Variants in CFAP58 observed in about 807,000 individuals in gnomAD.
CFAP58 encodes the protein cilia and flagella associated protein 58.
A neutral mutation model predicts 119.5 loss-of-function variants in CFAP58; 88 were observed. The ratio of observed to expected loss-of-function variants is 0.74; its 90% CI spans 0.62 to 0.88. The LOEUF is 0.88. Ranked by LOEUF, CFAP58 falls within the 40% of genes least tolerant of loss-of-function variation. The pLI is 0.00. For synonymous variants in CFAP58, 365 were observed against 366.3 expected, an observed-to-expected ratio of 1.00 and a Z score of 0.04; for missense variants, 990 against 1,021.2, an observed-to-expected ratio of 0.97 and a Z score of 0.42.
intron 15 of CFAP58, among the ~76,000 whole-genome samples, chr10:104,418,978 T>C (rs1040053517): frequency 6.6e-6 from 1 of 152,090 alleles, no homozygotes; most frequent in Admixed American, 6.5e-5. Flanking sequence ...AAGAATGAGA[T>C]GCGAGGGGGA....
Position 104,392,240 on chromosome 10 carries a change from T to C in CFAP58, c.1373T>C (p.Met458Thr). The C allele has an allele frequency of 6.2e-7, 1 of 1,610,932 alleles. No homozygotes were observed. The highest frequency in any genetic ancestry group is 8.5e-7 in the Non-Finnish European group (1 of 1,178,954). ...TATGTCTTTCTCCTCCAGGTCCTTA[T>C]GAACATGGAAGACATAAAAGTTCGT... The part of the protein sequence containing the change: ...QASDLTQKVL[M>T]NMEDIKVRET... The change falls in exon 10 of 18, where the codon ATG becomes ACG. Residue 458 changes from methionine to threonine, a missense_variant. Transcript: ENST00000369704.
chr10:104,391,289 T>C (rs947904156), intron 9 of CFAP58, among the ~76,000 whole-genome samples: 18 of 152,172 alleles, frequency 1.2e-4, no homozygotes, highest in Non-Finnish European at 5.9e-5. Context: ...TCTTCATACA[T>C]GGACCTGTTT....
Position 104,454,556 on chromosome 10 carries a change from T to C in CFAP58, c.*26T>C. On this transcript the variant is annotated 3_prime_UTR_variant, in exon 18 of 18. Transcript: ENST00000369704. ...CCTGAAGCTGCTGGCTGTTTCCAGTTGAACAACTCATGAAATCTGCTCTGG... is the reference window on the plus strand; with the variant it reads ...CCTGAAGCTGCTGGCTGTTTCCAGTCGAACAACTCATGAAATCTGCTCTGG... The C allele has an allele frequency of 6.5e-7, 1 of 1,538,528 alleles. No individual in the cohort carries two copies. Among genetic ancestry groups the C allele is most frequent in the Non-Finnish European group, 9.0e-7 (1 of 1,111,428 alleles).
chr10:104,400,661 C>T lies in CFAP58; in HGVS notation c.1816-19C>T, dbSNP rs749620575. 6.2e-7 allele frequency: 1 copy of T among 1,602,560 alleles called. No individual in the cohort carries two copies. The highest frequency in any genetic ancestry group is 8.5e-7 in the Non-Finnish European group (1 of 1,170,526). On this transcript the variant is annotated intron_variant, in intron 12 of 17. Transcript: ENST00000369704. ...GGCTCCTCCTTCCCTGGTGACTATG[C>T]CCCTCCCTACCTTCCTAGGTCATCA...
intron 9 of CFAP58, among the ~76,000 whole-genome samples, chr10:104,391,327 G>T (rs1453638479): frequency 6.6e-6 from 1 of 151,976 alleles, no homozygotes; most frequent in Non-Finnish European, 1.5e-5. Context: ...TTTCCTCCAT[G>T]CTCTGTCACA....
At chr10:104,444,460 G>T (rs532532895) in intron 15 of CFAP58, among the ~76,000 whole-genome samples, 2 of 152,148 alleles carry the variant, frequency 1.3e-5, no homozygotes, top group Admixed American at 6.6e-5. Flanking sequence ...AGAATTGCAC[G>T]CTTTGTCTCT....
intron 16 of CFAP58, among the ~76,000 whole-genome samples, chr10:104,448,960 T>C (rs1355424722): frequency 6.6e-6 from 1 of 152,240 alleles, no homozygotes; most frequent in Non-Finnish European, 1.5e-5. Flanking sequence ...CAGGAGCCTT[T>C]TGTGAATTTA....
intron 15 of CFAP58, among the ~76,000 whole-genome samples, chr10:104,435,071 G>A (rs933988705): frequency 4.6e-5 from 7 of 152,218 alleles, no homozygotes; most frequent in Non-Finnish European, 4.4e-5. Flanking sequence ...GAACAACCAC[G>A]ATATCAGCAA....
intron 7 of CFAP58, among the ~76,000 whole-genome samples, chr10:104,374,881 T>C (rs1323506600): frequency 6.7e-6 from 1 of 150,202 alleles, no homozygotes; most frequent in Non-Finnish European, 1.5e-5. Context: ...GCAACTTAAA[T>C]GTTAAAATGA....
rs764049858 is a variant in CFAP58, at chr10:104,357,936, CAT to C, written c.10-400_10-399del. Among the ~76,000 whole-genome samples, 60 of 111,426 alleles carry C rather than the reference CAT, an allele frequency of 5.4e-4. 2 individuals are homozygous for C. The highest frequency in any genetic ancestry group is 9.7e-3 in the Middle Eastern group (2 of 206). The allele number at this position is 111,426 out of a possible 152,430, so 73.1% of individuals were successfully genotyped here. A position where few individuals can be genotyped will look rare whatever the true frequency, so the allele number is the denominator to read the frequency against. On this transcript the variant is annotated intron_variant, in intron 1 of 17. Transcript: ENST00000369704. ...ACACATATATGTACACATATACACACATATATGTACACATATATACACATATA... is the reference window on the plus strand; with the variant it reads ...ACACATATATGTACACATATACACACATATGTACACATATATACACATATA...
rs2014623637 is a variant in CFAP58 at position 104,358,427 on chromosome 10, A to G, written c.96A>G (p.Gly32=). 1 of 1,613,966 alleles carries G rather than the reference A, an allele frequency of 6.2e-7. No homozygotes were observed. Among genetic ancestry groups the G allele is most frequent in the Non-Finnish European group, 8.5e-7 (1 of 1,180,012 alleles). ...DFQGVLHELS[G]DKSLEKFRIE... ...AGGGAGTTCTCCATGAACTTTCTGGAGACAAAAGTTTGGAAAAATTTCGGA... is the reference window on the plus strand; with the variant it reads ...AGGGAGTTCTCCATGAACTTTCTGGGGACAAAAGTTTGGAAAAATTTCGGA... Residue 32 remains glycine, a synonymous_variant, in exon 2 of 18, where the codon GGA becomes GGG. Transcript: ENST00000369704.
intron 15 of CFAP58, among the ~76,000 whole-genome samples, chr10:104,414,825 G>A (rs11192046): frequency 0.033 from 5,037 of 152,076 alleles, 182 homozygotes; most frequent in East Asian, 0.15. Context: ...GCCTGCCACC[G>A]CGCCCGGCTA....
intron 15 of CFAP58, among the ~76,000 whole-genome samples, chr10:104,414,429 G>A (rs545048912): frequency 1.6e-4 from 25 of 152,250 alleles, no homozygotes; most frequent in African/African-American, 5.8e-4. Flanking sequence ...GTGATTCCTT[G>A]ATAGATGTGC....
chr10:104,374,024 G>T (rs1409220312), intron 7 of CFAP58, among the ~76,000 whole-genome samples: 1 of 152,128 alleles, frequency 6.6e-6, no homozygotes. Context: ...AATACCAAAT[G>T]TTGAAACCAT....
At chr10:104,444,465 G>T (rs1228680392) in intron 15 of CFAP58, among the ~76,000 whole-genome samples, 1 of 152,188 alleles carries the variant, frequency 6.6e-6, no homozygotes, top group Non-Finnish European at 1.5e-5. Context: ...TGCACGCTTT[G>T]TCTCTAAATG....
rs145708867 is a variant in CFAP58 at position 104,393,076 on chromosome 10, G to T, written c.1528-253G>T. Among the ~76,000 whole-genome samples, 8 of 152,300 alleles carry T rather than the reference G, an allele frequency of 5.3e-5. No homozygotes were observed. The East Asian group carries it at 7.7e-4, about 15-fold the overall frequency. ...CTTCCAATTCCTTTTGTAAAAGGAG[G>T]AATAAGGTGTGTGCGTGTGATGTTC... On this transcript the variant is annotated intron_variant, in intron 10 of 17. Coordinates refer to ENST00000369704, the MANE Select transcript of CFAP58 (RefSeq NM_001008723.2).
Position 104,447,818 on chromosome 10 carries a change from G to A in CFAP58, c.2376+1G>A. The stretch of plus-strand genomic sequence containing the variant: ...GCATGACAAGAAGCAGCAGCTGAAA[G>A]TAAGTGGTAGCCCCTGTTCCTTCCG... On this transcript the variant is annotated splice_donor_variant, in intron 16 of 17. Transcript: ENST00000369704. LOFTEE classifies it high-confidence loss of function. 1 of 1,610,562 alleles carries A rather than the reference G, an allele frequency of 6.2e-7. No homozygotes were observed. The highest frequency in any genetic ancestry group is 8.5e-7 in the Non-Finnish European group (1 of 1,177,958).
In CFAP58 at chr10:104,393,407, A is replaced by G; in HGVS notation, c.1606A>G (p.Lys536Glu). Residue 536 changes from lysine to glutamate, a missense_variant, in exon 11 of 18, where the codon AAA becomes GAA. By Grantham distance (56) the Lys-to-Glu change is moderately conservative. Coordinates refer to ENST00000369704, the MANE Select transcript of CFAP58 (RefSeq NM_001008723.2). ...VDELKEDISA[K>E]ESALVKLHLE... ...TGAGCTGAAAGAAGACATCTCTGCCAAAGAGTCCGCACTTGTGAAGCTGCA... is the reference window on the plus strand; with the variant it reads ...TGAGCTGAAAGAAGACATCTCTGCCGAAGAGTCCGCACTTGTGAAGCTGCA... The G allele has an allele frequency of 6.2e-7, 1 of 1,614,158 alleles. No individual in the cohort carries two copies. Among genetic ancestry groups the G allele is most frequent in the Non-Finnish European group, 8.5e-7 (1 of 1,179,990 alleles).
chr10:104,418,071 A>C (rs1466789862), intron 15 of CFAP58, among the ~76,000 whole-genome samples: 1 of 152,266 alleles, frequency 6.6e-6, no homozygotes, highest in Non-Finnish European at 1.5e-5. Context: ...TTTGAATTTC[A>C]GTGTCCATGA....
Sources: allele counts gnomAD v4.1 joint callset (sites outside exome capture counted in the v4.1 genomes callset), GRCh38; gene constraint gnomAD v4.1.1; transcripts MANE v1.5; gene names NCBI Gene and HGNC (gene_info 2026-07-23, HGNC 2026-07-21).